The following HOXB1 variants were observed in gnomAD, a reference collection of about 807,000 sequenced individuals.
The protein encoded by HOXB1 is homeobox B1.
HOXB1 carries 13 observed loss-of-function variants against 26.9 expected under a neutral mutation model. The ratio of observed to expected loss-of-function variants is 0.48; its 90% CI spans 0.31 to 0.77. The LOEUF is 0.77. HOXB1 is among the 30% of genes least tolerant of loss of function. HOXB1 has a pLI of 0.04. For missense variants in HOXB1, 366 were observed against 403.6 expected (o/e 0.91, Z 0.80); for synonymous variants, 168 against 170.8 (o/e 0.98, Z 0.13).
intron 1 of HOXB1, 95 bp from the exon 2 acceptor site, chr17:48,529,970 G>T: frequency 9.2e-7 from 1 of 1,090,260 alleles, no homozygotes; most frequent in Admixed American, 2.3e-5. Flanking sequence ...ACCTCCATTT[G>T]CCATTCTGCC....
At position 48,528,580 on chromosome 17, in the gene HOXB1, C is replaced by T. The variant is rs1261397304; in HGVS notation, c.*967G>A. ...AGGTAGTTGCAGGTACAGAGAGAAC[C>T]CGGGCTCACTTGGGGCTCAGGTTTC... On this transcript the variant is annotated 3_prime_UTR_variant, in exon 2 of 2. Coordinates refer to ENST00000239174, the MANE Select transcript of HOXB1 (RefSeq NM_002144.4). The T allele has an allele frequency of 6.6e-6, 1 of 152,296 alleles. No individual in the cohort carries two copies. Among genetic ancestry groups the T allele is most frequent in the Non-Finnish European group, 1.5e-5 (1 of 68,102 alleles). 9.4% of individuals were successfully genotyped at this position (152,296 alleles called of 1,614,324 possible). A position where few individuals can be genotyped will look rare whatever the true frequency, so the allele number is the denominator to read the frequency against.
At position 48,530,773 on chromosome 17, in the gene HOXB1, G is replaced by A; in HGVS notation, c.132C>T (p.Ser44=). ...ACAGCCCCCCACCGTAGCGGCCCTC[G>A]CTTGCATAGCTGTCAACCGCCTGAG... ...SSAQAVDSYA[S]EGRYGGGLSS... The change falls in exon 1 of 2, where the codon AGC becomes AGT. Residue 44 remains serine, a synonymous_variant. Coordinates refer to ENST00000239174, the MANE Select transcript of HOXB1 (RefSeq NM_002144.4). The surrounding 1 kb of genome is among the most constrained non-coding windows in gnomAD (Gnocchi z 6.2). 1 of 1,609,868 alleles carries A rather than the reference G, an allele frequency of 6.2e-7. No homozygotes were observed. The highest frequency in any genetic ancestry group is 2.2e-5 in the East Asian group (1 of 44,848).
Position 48,530,552 on chromosome 17 carries a change from G to C in HOXB1, c.353C>G (p.Ala118Gly). 6.2e-7 allele frequency: 1 copy of C among 1,614,138 alleles called. No homozygotes were observed. The highest frequency in any genetic ancestry group is 8.5e-7 in the Non-Finnish European group (1 of 1,180,020). Residue 118 changes from alanine to glycine, a missense_variant, in exon 1 of 2, where the codon GCC (alanine) becomes GGC (glycine). Ala to Gly is a moderately conservative substitution (Grantham distance 60). Coordinates refer to ENST00000239174, the MANE Select transcript of HOXB1 (RefSeq NM_002144.4). This position sits in a 1 kb window ranked among gnomAD's most constrained non-coding sequence, Gnocchi z 6.2. ...GGYFHPSSYG[A>G]QLGGLSDGYG... is the part of the protein sequence containing the mutation. ...GCCATCGGACAAGCCCCCTAGCTGG[G>C]CCCCGTAGCTCGAGGGATGAAAATA...
Position 48,529,411 on chromosome 17 carries a change from G to C in HOXB1, c.*136C>G. 1 of 562,028 alleles carries C rather than the reference G, an allele frequency of 1.8e-6. No homozygotes were observed. The highest frequency in any genetic ancestry group is 2.9e-6 in the Non-Finnish European group (1 of 349,976). The allele number at this position is 562,028 out of a possible 1,614,324, so 34.8% of individuals were successfully genotyped here. On this transcript the variant is annotated 3_prime_UTR_variant, in exon 2 of 2. Coordinates refer to ENST00000239174, the MANE Select transcript of HOXB1 (RefSeq NM_002144.4). ...CCATCCCCCCTCCCACCCCCAGGCA[G>C]CTCTAAACTGGCATTTCAGCCCTAG...
Position 48,529,471 on chromosome 17 carries a change from G to T in HOXB1, c.*76C>A. On this transcript the variant is annotated 3_prime_UTR_variant, in exon 2 of 2. Coordinates refer to ENST00000239174, the MANE Select transcript of HOXB1 (RefSeq NM_002144.4). The stretch of plus-strand genomic sequence containing the variant: ...CCAGGCCAGTGAAGCCCAGGCCTGG[G>T]GTTGGGGAGAGCCTGGGATAGGGCT... 2 of 1,153,432 alleles carry T rather than the reference G, an allele frequency of 1.7e-6. No individual in the cohort carries two copies. The highest frequency in any genetic ancestry group is 2.4e-6 in the Non-Finnish European group (2 of 833,316). 71.4% of individuals were successfully genotyped at this position (1,153,432 alleles called of 1,614,324 possible). A position where few individuals can be genotyped will look rare whatever the true frequency, so the allele number is the denominator to read the frequency against.
At position 48,529,875 on chromosome 17, in the gene HOXB1, G is replaced by T; in HGVS notation, c.578C>A (p.Ala193Glu). The T allele has an allele frequency of 3.2e-6, 5 of 1,573,460 alleles. No individual in the cohort carries two copies. The highest frequency in any genetic ancestry group is 3.4e-6 in the Non-Finnish European group (4 of 1,161,878). Residue 193 changes from alanine (A) to glutamate (E), a missense_variant and splice_region_variant, in exon 2 of 2, where the codon GCG (alanine) becomes GAG (glutamate). Ala to Glu is a moderately radical substitution (Grantham distance 107, BLOSUM62 -1). Coordinates refer to ENST00000239174, the MANE Select transcript of HOXB1 (RefSeq NM_002144.4). ...GCCCAGGCCTGGCTCTGACACCTTC[G>T]CTAGGGGCGGGGCAGGGAGAAAGGC... is the stretch of plus-strand genomic sequence containing the variant. Reference protein sequence around the residue: ...MKVKRNPPKTAKVSEPGLGSP... With the variant: ...MKVKRNPPKTEKVSEPGLGSP...
At position 48,530,287 on chromosome 17, in the gene HOXB1, C is replaced by T. The variant is rs554516657; in HGVS notation, c.577+41G>A. The T allele has an allele frequency of 5.8e-6, 9 of 1,541,470 alleles. No homozygotes were observed. The South Asian group carries it at 6.9e-5, about 12-fold the overall frequency. On this transcript the variant is annotated intron_variant, in intron 1 of 1. Transcript: ENST00000239174. The surrounding 1 kb of genome is among the most constrained non-coding windows in gnomAD (Gnocchi z 6.2). ...TGTCACTGCAGGGGAAGCAGAGATG[C>T]TTTGGGCCCCGGAGAAGGGGTGGCC...
At position 48,530,627 on chromosome 17, in the gene HOXB1, T is replaced by C. The variant is rs1287270276; in HGVS notation, c.278A>G (p.Tyr93Cys). The C allele has an allele frequency of 1.2e-6, 2 of 1,613,792 alleles. No individual in the cohort carries two copies. Among genetic ancestry groups the C allele is most frequent in the East Asian group, 4.5e-5 (2 of 44,868 alleles). ...GYAPAACSPS[Y>C]GPSQYYPLGQ... ...CAGAGGGTAGTACTGAGAAGGCCCG[T>C]AGCTGGGGCTGCAGGCGGCAGGAGC... Residue 93 changes from tyrosine (Y) to cysteine (C), a missense_variant, in exon 1 of 2, where the codon TAC (tyrosine) becomes TGC (cysteine). Transcript: ENST00000239174. The surrounding 1 kb of genome is among the most constrained non-coding windows in gnomAD (Gnocchi z 6.2).
chr17:48,529,389 T>A lies in HOXB1; in HGVS notation c.*158A>T. ...CAGGTCTGAGAAAAATGTTTCCCCA[T>A]CCCCCCTCCCACCCCCAGGCAGCTC... On this transcript the variant is annotated 3_prime_UTR_variant, in exon 2 of 2. Transcript: ENST00000239174. The A allele has an allele frequency of 3.7e-5, 17 of 463,630 alleles. No individual in the cohort carries two copies. The highest frequency in any genetic ancestry group is 6.9e-5 in the South Asian group (1 of 14,528). The allele number at this position is 463,630 out of a possible 1,614,324, so 28.7% of individuals were successfully genotyped here. A position where few individuals can be genotyped will look rare whatever the true frequency, so the allele number is the denominator to read the frequency against.
Position 48,530,031 on chromosome 17 carries a change from T to C in HOXB1, c.578-156A>G, listed in dbSNP as rs1376301058. 1.5e-5 allele frequency: 10 copies of C among 668,142 alleles called. No individual in the cohort carries two copies. The highest frequency in any genetic ancestry group is 2.5e-5 in the Non-Finnish European group (10 of 397,766). The allele number at this position is 668,142 out of a possible 1,614,324, so 41.4% of individuals were successfully genotyped here. On this transcript the variant is annotated intron_variant, in intron 1 of 1. Coordinates refer to ENST00000239174, the MANE Select transcript of HOXB1 (RefSeq NM_002144.4). The surrounding 1 kb of genome is among the most constrained non-coding windows in gnomAD (Gnocchi z 6.2). ...GGACCACCAGGTACCCCCATGGTGA[T>C]CACCAAGTCTGGAGCAGCCTTCCCC...
At position 48,530,507 on chromosome 17, in the gene HOXB1, C is replaced by G; in HGVS notation, c.398G>C (p.Gly133Ala). 3 of 1,614,060 alleles carry G rather than the reference C, an allele frequency of 1.9e-6. No individual in the cohort carries two copies. Among genetic ancestry groups the G allele is most frequent in the Non-Finnish European group, 2.5e-6 (3 of 1,179,956 alleles). Reference sequence around the variant, plus strand: ...ATGCTGCGGAGGATATGGCCCCGGACCGGCTCCACCTGCTCCGTAGCCATC... The same window carrying G: ...ATGCTGCGGAGGATATGGCCCCGGAGCGGCTCCACCTGCTCCGTAGCCATC... ...LSDGYGAGGA[G>A]PGPYPPQHPP... Residue 133 changes from glycine (G) to alanine (A), a missense_variant, in exon 1 of 2, where the codon GGT becomes GCT. Coordinates refer to ENST00000239174, the MANE Select transcript of HOXB1 (RefSeq NM_002144.4). The surrounding 1 kb of genome is among the most constrained non-coding windows in gnomAD (Gnocchi z 6.2).
chr17:48,529,886 G>T lies in HOXB1; in HGVS notation c.578-11C>A, dbSNP rs1397282170. The T allele has an allele frequency of 1.3e-6, 2 of 1,558,008 alleles. No individual in the cohort carries two copies. Among genetic ancestry groups the T allele is most frequent in the African/African-American group, 2.7e-5 (2 of 73,674 alleles). On this transcript the variant is annotated splice_polypyrimidine_tract_variant and intron_variant, in intron 1 of 1. Coordinates refer to ENST00000239174, the MANE Select transcript of HOXB1 (RefSeq NM_002144.4). ...GCTCTGACACCTTCGCTAGGGGCGG[G>T]GCAGGGAGAAAGGCCAGGTCAATTC...
chr17:48,530,569 A>T lies in HOXB1; in HGVS notation c.336T>A (p.His112Gln), dbSNP rs761868927. 5 of 1,614,048 alleles carry T rather than the reference A, an allele frequency of 3.1e-6. No individual in the cohort carries two copies. In the South Asian group the frequency reaches 4.4e-5, roughly 14 times the overall value. ...CTAGCTGGGCCCCGTAGCTCGAGGG[A>T]TGAAAATAGCCTCCGTCTCCTTCTG... is the stretch of plus-strand genomic sequence containing the variant. ...GQSEGDGGYF[H>Q]PSSYGAQLGG... Residue 112 changes from histidine to glutamine, a missense_variant, in exon 1 of 2, where the codon CAT becomes CAA. By Grantham distance (24) the His-to-Gln change is conservative. Coordinates refer to ENST00000239174, the MANE Select transcript of HOXB1 (RefSeq NM_002144.4). The surrounding 1 kb of genome is among the most constrained non-coding windows in gnomAD (Gnocchi z 6.2).
rs370490396 is a variant in HOXB1, at chr17:48,530,918, A to C, written c.-14T>G. 6.6e-7 allele frequency: 1 copy of C among 1,504,556 alleles called. No homozygotes were observed. The highest frequency in any genetic ancestry group is 1.4e-5 in the African/African-American group (1 of 71,416). 93.2% of individuals were successfully genotyped at this position (1,504,556 alleles called of 1,614,324 possible). A position where few individuals can be genotyped will look rare whatever the true frequency, so the allele number is the denominator to read the frequency against. ...ATTATAGTCCATGCGTCAAGGCCGC[A>C]GGAGGGTCGGCCCGTTTGGGGGAGA... is the stretch of plus-strand genomic sequence containing the variant. On this transcript the variant is annotated 5_prime_UTR_variant, in exon 1 of 2. Transcript: ENST00000239174. This position sits in a 1 kb window ranked among gnomAD's most constrained non-coding sequence, Gnocchi z 6.2.
intron 1 of HOXB1, 78 bp from the exon 2 acceptor site, chr17:48,529,953 G>C: frequency 1.6e-6 from 2 of 1,266,756 alleles, no homozygotes; most frequent in South Asian, 2.9e-5. Context: ...CCCGGGGCTG[G>C]CTCTGGACCT....
At position 48,529,766 on chromosome 17, in the gene HOXB1, G is replaced by T. The variant is rs2068422586; in HGVS notation, c.687C>A (p.Ser229Arg). 1 of 1,609,102 alleles carries T rather than the reference G, an allele frequency of 6.2e-7. No homozygotes were observed. The highest frequency in any genetic ancestry group is 8.5e-7 in the Non-Finnish European group (1 of 1,179,900). Residue 229 changes from serine to arginine, a missense_variant, in exon 2 of 2, where the codon AGC becomes AGA. By Grantham distance (110) the Ser-to-Arg change is moderately radical. Coordinates refer to ENST00000239174, the MANE Select transcript of HOXB1 (RefSeq NM_002144.4). ...EKEFHFNKYL[S>R]RARRVEIAAT... is the part of the protein sequence containing the mutation. ...CGGCAATCTCCACCCTCCGGGCCCGGCTCAGGTACTTGTTGAAATGGAACT... is the reference window on the plus strand; with the variant it reads ...CGGCAATCTCCACCCTCCGGGCCCGTCTCAGGTACTTGTTGAAATGGAACT...
rs751220959 is a variant in HOXB1 at position 48,529,577 on chromosome 17, C to T, written c.876G>A (p.Pro292=). 3.1e-5 allele frequency: 48 copies of T among 1,538,984 alleles called. No individual in the cohort carries two copies. The highest frequency in any genetic ancestry group is 3.5e-4 in the Middle Eastern group (2 of 5,718). The change falls in exon 2 of 2, where the codon CCG becomes CCA. Residue 292 remains proline, a synonymous_variant. Coordinates refer to ENST00000239174, the MANE Select transcript of HOXB1 (RefSeq NM_002144.4). ...AGGTGACAGAGCTGGGTGAGGCTTC[C>T]GGGGAGGTGCATGTCGACTGGTCTG... ...DASDQSTCTS[P]EASPSSVTS
In HOXB1 at chr17:48,530,695, C is replaced by T. The variant is rs766938630; in HGVS notation, c.210G>A (p.Ser70=). ...NSGYPAQQPP[S]TLGVPFPSSA... ...AGCTGGGGAAGGGCACCCCCAGGGTCGAAGGCGGCTGCTGGGCGGGATAGC... is the reference window on the plus strand; with the variant it reads ...AGCTGGGGAAGGGCACCCCCAGGGTTGAAGGCGGCTGCTGGGCGGGATAGC... The change falls in exon 1 of 2, where the codon TCG becomes TCA. Residue 70 remains serine, a synonymous_variant. Coordinates refer to ENST00000239174, the MANE Select transcript of HOXB1 (RefSeq NM_002144.4). This position sits in a 1 kb window ranked among gnomAD's most constrained non-coding sequence, Gnocchi z 6.2. 4 of 1,612,806 alleles carry T rather than the reference C, an allele frequency of 2.5e-6. No homozygotes were observed. Among genetic ancestry groups the T allele is most frequent in the Non-Finnish European group, 3.4e-6 (4 of 1,179,540 alleles).
rs1015356171 is a variant in HOXB1 at position 48,529,224 on chromosome 17, C to T, written c.*323G>A. 10 of 247,934 alleles carry T rather than the reference C, an allele frequency of 4.0e-5. No individual in the cohort carries two copies. The highest frequency in any genetic ancestry group is 1.6e-4 in the African/African-American group (7 of 44,940). The allele number at this position is 247,934 out of a possible 1,614,324, so 15.4% of individuals were successfully genotyped here. A position where few individuals can be genotyped will look rare whatever the true frequency, so the allele number is the denominator to read the frequency against. ...GTTGGAAGGGAAAGGAGGATGAATC[C>T]AGGAGGATGAGGCTGGCCCCCACCC... On this transcript the variant is annotated 3_prime_UTR_variant, in exon 2 of 2. Transcript: ENST00000239174.
Sources: allele counts gnomAD v4.1 joint callset, GRCh38; gene constraint gnomAD v4.1.1; non-coding constraint Gnocchi (gnomAD v3.1); transcripts MANE v1.5; gene names NCBI Gene and HGNC (gene_info 2026-07-23, HGNC 2026-07-21).